HELLS: variants seen among roughly 807,000 people sequenced by gnomAD.
HELLS encodes helicase, lymphoid specific, also known as lymphoid-specific helicase.
A neutral mutation model predicts 120.0 loss-of-function variants in HELLS; 32 were observed. That is an observed-to-expected ratio of 0.27 (90% CI 0.20 to 0.36). The LOEUF is 0.36. Among genes scored for constraint, HELLS ranks in the 10% least tolerant of loss-of-function variants. HELLS has a pLI of 1.00. For missense variants in HELLS, 650 were observed against 993.4 expected (o/e 0.65, Z 4.65); for synonymous variants, 341 against 323.4 (o/e 1.05, Z -0.58).
intron 1 of HELLS, 107 bp from the exon 2 acceptor site, chr10:94,546,270 G>T: frequency 1.4e-6 from 2 of 1,380,912 alleles, no homozygotes; most frequent in Non-Finnish European, 1.0e-6. Context: ...TCGGTCTTCA[G>T]CTTTTGCTCC....
chr10:94,611,846 C>A (rs1846196239), exon 10 of HELLS: 1 of 152,070 alleles, frequency 6.6e-6, no homozygotes, highest in African/African-American at 2.4e-5. Context: ...GGAAGAAGAC[C>A]TGGATTTTAG....
chr10:94,554,669 T>A (rs1265266930), intron 3 of HELLS, among the ~76,000 whole-genome samples: 1 of 149,390 alleles, frequency 6.7e-6, no homozygotes, highest in Non-Finnish European at 1.5e-5. Context: ...TTTTTTTTTT[T>A]AATGCTAATG....
At chr10:94,593,846 A>G (rs1303605328) in intron 18 of HELLS, among the ~76,000 whole-genome samples, 1 of 152,044 alleles carries the variant, frequency 6.6e-6, no homozygotes, top group Non-Finnish European at 1.5e-5. Flanking sequence ...TGTTTTTAGT[A>G]GAGACGGGGT....
chr10:94,550,391 G>GCC (rs1326683774), intron 2 of HELLS, among the ~76,000 whole-genome samples: 1 of 152,044 alleles, frequency 6.6e-6, no homozygotes, highest in Non-Finnish European at 1.5e-5. Context: ...CGATTCTTCT[G>GCC]CCTCAGCCTC....
At chr10:94,566,050 G>C (rs1464359351) in intron 6 of HELLS, among the ~76,000 whole-genome samples, 1 of 151,966 alleles carries the variant, frequency 6.6e-6, no homozygotes, top group Non-Finnish European at 1.5e-5. Flanking sequence ...GTGCCACCAG[G>C]CCTGGCTGAT....
intron 15 of HELLS, among the ~76,000 whole-genome samples, chr10:94,591,658 A>G (rs1361824255): frequency 6.6e-6 from 1 of 152,138 alleles, no homozygotes; most frequent in Non-Finnish European, 1.5e-5. Flanking sequence ...TGCCAAATAT[A>G]CCCTGGGGAT....
chr10:94,557,857 G>C (rs1843342557), intron 3 of HELLS, among the ~76,000 whole-genome samples: 1 of 152,192 alleles, frequency 6.6e-6, no homozygotes, highest in Non-Finnish European at 1.5e-5. Flanking sequence ...GCAGTCAGAA[G>C]ATTAACCTTG....
chr10:94,585,463 C>A (rs1399644496), intron 12 of HELLS, among the ~76,000 whole-genome samples: 3 of 141,444 alleles, frequency 2.1e-5, no homozygotes, highest in Admixed American at 7.5e-5. Context: ...GTGCAGTGAG[C>A]GTCTGCCTCC....
chr10:94,590,280 C>A, intron 13 of HELLS, 133 bp from the exon 14 acceptor site: 1 of 758,176 alleles, frequency 1.3e-6, no homozygotes, highest in Non-Finnish European at 2.1e-6. Flanking sequence ...TAAAATTAAA[C>A]TAATTTCCCA....
downstream of HELLS, among the ~76,000 whole-genome samples, chr10:94,606,474 C>A (rs1051094767): frequency 2.0e-5 from 3 of 150,632 alleles, no homozygotes; most frequent in Admixed American, 2.0e-4. Flanking sequence ...TTCAGAATAT[C>A]TTGGCTACAG....
intron 2 of HELLS, among the ~76,000 whole-genome samples, chr10:94,551,427 G>A (rs1842976122): frequency 6.6e-6 from 1 of 152,014 alleles, no homozygotes; most frequent in South Asian, 2.1e-4. Context: ...TTAGCGGGGT[G>A]TGGTGGCAGG....
chr10:94,554,652 T>TG (rs200148679), intron 3 of HELLS, among the ~76,000 whole-genome samples: 4,066 of 142,872 alleles, frequency 0.028, 93 homozygotes, highest in South Asian at 0.049. Context: ...GTGTTTTTTT[T>TG]TTTGTTTTTT....
intron 9 of HELLS, 63 bp from the exon 10 acceptor site, chr10:94,576,599 C>T: frequency 2.4e-6 from 2 of 848,974 alleles, no homozygotes; most frequent in Non-Finnish European, 1.7e-6. Flanking sequence ...TTTATATTTT[C>T]TAAATAGTCA....
intron 13 of HELLS, 92 bp downstream of exon 13, chr10:94,588,482 C>A: frequency 1.1e-6 from 1 of 933,518 alleles, no homozygotes; most frequent in Non-Finnish European, 1.6e-6. Flanking sequence ...GTCGCTCTGT[C>A]ACCCAGGCTG....
At chr10:94,552,028 C>A (rs371868267) in intron 2 of HELLS, among the ~76,000 whole-genome samples, 2 of 152,176 alleles carry the variant, frequency 1.3e-5, no homozygotes, top group Non-Finnish European at 2.9e-5. Flanking sequence ...CGTGAGCCAC[C>A]GCGCCCAGCC....
chr10:94,571,488 G>C, intron 7 of HELLS, 59 bp downstream of exon 7: 5 of 1,347,152 alleles, frequency 3.7e-6, no homozygotes, highest in South Asian at 1.3e-5. Context: ...TCAGTTACTA[G>C]TCCTTTTTCT....
intron 10 of HELLS, among the ~76,000 whole-genome samples, chr10:94,579,445 C>T (rs2134071720): frequency 6.6e-6 from 1 of 152,148 alleles, no homozygotes; most frequent in South Asian, 2.1e-4. Flanking sequence ...TCGTGATCCG[C>T]CCGCCTCAGC....
intron 12 of HELLS, among the ~76,000 whole-genome samples, chr10:94,585,847 A>G (rs999077029): frequency 1.3e-5 from 2 of 152,118 alleles, no homozygotes; most frequent in Non-Finnish European, 2.9e-5. Context: ...TGCTGGAACC[A>G]AAGGTGCATG....
chr10:94,601,475 AT>A (rs1276288712), intron 21 of HELLS, 52 bp from the exon 22 acceptor site: 1 of 975,140 alleles, frequency 1.0e-6, no homozygotes, highest in Non-Finnish European at 1.6e-6. Flanking sequence ...TTCTTTTACG[AT>A]TTCTTCTTCT....
Sources: allele counts gnomAD v4.1 joint callset (sites outside exome capture counted in the v4.1 genomes callset), GRCh38; gene constraint gnomAD v4.1.1; transcripts MANE v1.5; gene names NCBI Gene and HGNC (gene_info 2026-07-23, HGNC 2026-07-21).